The following BCKDHB variants were observed in gnomAD, a reference collection of about 807,000 sequenced individuals.
BCKDHB encodes branched chain keto acid dehydrogenase E1 subunit beta, also known as 2-oxoisovalerate dehydrogenase subunit beta, mitochondrial.
BCKDHB carries 41 observed loss-of-function variants against 48.5 expected under a neutral mutation model. The ratio of observed to expected loss-of-function variants is 0.85; its 90% CI spans 0.66 to 1.10. The LOEUF (loss-of-function observed/expected upper bound fraction) is 1.10. BCKDHB is among the 50% of genes least tolerant of loss of function. The pLI is 0.00. For missense variants in BCKDHB, 496 were observed against 494.2 expected (o/e 1.00, Z -0.03); for synonymous variants, 201 against 174.8 (o/e 1.15, Z -1.18).
chr6:80,355,808 A>C, the BCKDHB span: 4 of 152,224 alleles, frequency 2.6e-5, no homozygotes, highest in African/African-American at 9.6e-5. Flanking sequence ...CCCAGCAGAA[A>C]TATCTGCTGC....
At chr6:80,403,003 A>G in the BCKDHB span, among the ~76,000 whole-genome samples, 3 of 151,730 alleles carry the variant, frequency 2.0e-5, no homozygotes, top group African/African-American at 7.2e-5. Flanking sequence ...TTTCATTATC[A>G]TAGCTTTGTA....
intron 8 of BCKDHB, among the ~76,000 whole-genome samples, chr6:80,203,834 C>T (rs1774511724): frequency 6.6e-6 from 1 of 152,022 alleles, no homozygotes; most frequent in Non-Finnish European, 1.5e-5. Flanking sequence ...GTTTAGCTCT[C>T]ATTTACCTCT....
chr6:80,145,661 CATGTG>C (rs1409637003), intron 3 of BCKDHB, among the ~76,000 whole-genome samples: 1 of 152,140 alleles, frequency 6.6e-6, no homozygotes, highest in East Asian at 1.9e-4. Context: ...TCCACTGACA[CATGTG>C]ATGTGATTGC....
intron 6 of BCKDHB, among the ~76,000 whole-genome samples, chr6:80,182,343 C>T (rs1458442837): frequency 3.3e-5 from 5 of 152,126 alleles, no homozygotes; most frequent in Non-Finnish European, 7.4e-5. Context: ...GAATAGGACC[C>T]AGTGGGATTT....
chr6:80,152,213 A>G (rs2127755216), intron 3 of BCKDHB, among the ~76,000 whole-genome samples: 1 of 152,174 alleles, frequency 6.6e-6, no homozygotes, highest in East Asian at 1.9e-4. Flanking sequence ...ATTAATTTGA[A>G]AAACTACATT....
intron 1 of BCKDHB, among the ~76,000 whole-genome samples, chr6:80,115,404 A>ACT (rs1363924311): frequency 1.3e-5 from 2 of 152,152 alleles, no homozygotes; most frequent in Non-Finnish European, 2.9e-5. Context: ...AACTCTTAGT[A>ACT]GAGTTTAGAA....
chr6:80,407,591 T>C, the BCKDHB span, among the ~76,000 whole-genome samples: 1 of 152,252 alleles, frequency 6.6e-6, no homozygotes, highest in Non-Finnish European at 1.5e-5. Flanking sequence ...GTTGGATTCC[T>C]GGGTATTTTA....
At chr6:80,415,935 GACTCAA>G in the BCKDHB span, among the ~76,000 whole-genome samples, 2 of 151,808 alleles carry the variant, frequency 1.3e-5, no homozygotes, top group Non-Finnish European at 2.9e-5. Context: ...AATTGTTATT[GACTCAA>G]TTTCAGAGCT....
At chr6:80,257,991 T>C (rs1193083511) in intron 8 of BCKDHB, among the ~76,000 whole-genome samples, 2 of 151,974 alleles carry the variant, frequency 1.3e-5, no homozygotes, top group Non-Finnish European at 1.5e-5. Context: ...TATATATATT[T>C]ATTATAAAAA....
At chr6:80,124,556 T>G (rs751497041) in intron 1 of BCKDHB, among the ~76,000 whole-genome samples, 9 of 152,228 alleles carry the variant, frequency 5.9e-5, no homozygotes, top group Non-Finnish European at 1.2e-4. Context: ...ACTTGCTTTA[T>G]GAATCTGGGT....
the BCKDHB span, among the ~76,000 whole-genome samples, chr6:80,382,950 C>G: frequency 6.6e-6 from 1 of 152,114 alleles, no homozygotes; most frequent in Non-Finnish European, 1.5e-5. Context: ...CTAAGTCATA[C>G]TGTGAATATA....
chr6:80,449,194 C>G, the BCKDHB span, among the ~76,000 whole-genome samples: 1 of 152,082 alleles, frequency 6.6e-6, no homozygotes, highest in South Asian at 2.1e-4. Flanking sequence ...TTTCTTTTTC[C>G]CATGCTATGT....
chr6:80,439,825 G>T, the BCKDHB span, among the ~76,000 whole-genome samples: 1 of 152,194 alleles, frequency 6.6e-6, no homozygotes, highest in Non-Finnish European at 1.5e-5. Flanking sequence ...TTAGACTTAA[G>T]TCTGTACTAG....
the BCKDHB span, among the ~76,000 whole-genome samples, chr6:80,408,398 T>C: frequency 6.6e-6 from 1 of 152,164 alleles, no homozygotes; most frequent in African/African-American, 2.4e-5. Context: ...TCCTTCTTTT[T>C]CTTTTGATTG....
At chr6:80,241,381 T>A (rs556624438) in intron 8 of BCKDHB, among the ~76,000 whole-genome samples, 1 of 152,322 alleles carries the variant, frequency 6.6e-6, no homozygotes, top group East Asian at 1.9e-4. Context: ...TCCCCATCTT[T>A]GTGGTTTTAT....
At chr6:80,167,857 C>A in intron 4 of BCKDHB, 46 bp downstream of exon 4, 1 of 1,586,154 alleles carries the variant, frequency 6.3e-7, no homozygotes, top group Non-Finnish European at 8.6e-7. Context: ...TTGAAATATT[C>A]AAGTATTGCC....
At chr6:80,333,510 C>A (rs904872230) in intron 9 of BCKDHB, among the ~76,000 whole-genome samples, 6 of 152,016 alleles carry the variant, frequency 3.9e-5, no homozygotes, top group Non-Finnish European at 5.9e-5. Flanking sequence ...TATATGCCTC[C>A]ATGTTGTTTC....
At chr6:80,373,589 G>A in the BCKDHB span, among the ~76,000 whole-genome samples, 1 of 151,960 alleles carries the variant, frequency 6.6e-6, no homozygotes, top group Admixed American at 6.6e-5. Flanking sequence ...GGCATTTAAC[G>A]CTATGTCAGT....
At chr6:80,407,248 G>T in the BCKDHB span, among the ~76,000 whole-genome samples, 1 of 152,086 alleles carries the variant, frequency 6.6e-6, no homozygotes, top group African/African-American at 2.4e-5. Context: ...ATGCTGTTTT[G>T]GTTACTGTAG....
Sources: allele counts gnomAD v4.1 joint callset (sites outside exome capture counted in the v4.1 genomes callset), GRCh38; gene constraint gnomAD v4.1.1; transcripts MANE v1.5; gene names NCBI Gene and HGNC (gene_info 2026-07-23, HGNC 2026-07-21).